Variants in KIAA0232 observed in about 807,000 individuals in gnomAD.
KIAA0232 encodes KIAA0232, also known as uncharacterized protein KIAA0232.
Under a neutral mutation model 122.0 loss-of-function variants are expected in KIAA0232, and 27 were observed. The observed-to-expected ratio is 0.22, with a 90% CI of 0.16 to 0.31. The LOEUF (loss-of-function observed/expected upper bound fraction) is 0.31. Among genes scored for constraint, KIAA0232 ranks in the 10% least tolerant of loss-of-function variants. The probability of loss-of-function intolerance (pLI) is 1.00; values close to 1 mark genes in which losing one functional copy is unlikely to be tolerated. For synonymous variants in KIAA0232, 613 were observed against 587.6 expected, an observed-to-expected ratio of 1.04 and a Z score of -0.63; for missense variants, 1,551 against 1,634.2, an observed-to-expected ratio of 0.95 and a Z score of 0.88.
At chr4:6,807,226 G>A (rs1199742956) in intron 2 of KIAA0232, among the ~76,000 whole-genome samples, 3 of 151,840 alleles carry the variant, frequency 2.0e-5, no homozygotes, top group African/African-American at 7.2e-5. Context: ...TAAACATAAA[G>A]ATCAACCAGA....
chr4:6,808,604 G>A (rs906395622), intron 2 of KIAA0232, among the ~76,000 whole-genome samples: 7 of 151,484 alleles, frequency 4.6e-5, no homozygotes, highest in African/African-American at 1.5e-4. Context: ...TGATTGTCTC[G>A]ATATCACTGA....
intron 3 of KIAA0232, among the ~76,000 whole-genome samples, chr4:6,826,043 G>A (rs938567820): frequency 4.6e-5 from 7 of 152,060 alleles, no homozygotes; most frequent in African/African-American, 1.2e-4. Context: ...TTGAACTCCT[G>A]GGCTCAAGCA....
intron 2 of KIAA0232, among the ~76,000 whole-genome samples, chr4:6,813,605 G>A (rs1436794165): frequency 3.9e-5 from 6 of 151,930 alleles, no homozygotes; most frequent in South Asian, 2.1e-4. Flanking sequence ...CTTGTGATCC[G>A]CCCGCCTCGG....
intron 2 of KIAA0232, among the ~76,000 whole-genome samples, chr4:6,805,781 G>A (rs1056811386): frequency 3.9e-5 from 6 of 152,148 alleles, no homozygotes; most frequent in African/African-American, 1.4e-4. Flanking sequence ...TTCAAAAAGT[G>A]TAAAAATTAC....
rs1720837289 is a variant in KIAA0232, at chr4:6,861,227, A to G, written c.845A>G (p.Lys282Arg). 1.2e-6 allele frequency: 2 copies of G among 1,614,046 alleles called. No individual in the cohort carries two copies. The highest frequency in any genetic ancestry group is 3.3e-5 in the Admixed American group (2 of 60,010). The change falls in exon 7 of 10, where the codon AAG (lysine) becomes AGG (arginine). Residue 282 changes from lysine (K) to arginine (R), a missense_variant. By Grantham distance (26) the Lys-to-Arg change is conservative (BLOSUM62 2). Transcript: ENST00000307659. Reference sequence around the variant, plus strand: ...CAAATCCGACATAAACCTGAAGGAAAGATTCGCCCTCGCTCGTGGTCTTCT... The same window carrying G: ...CAAATCCGACATAAACCTGAAGGAAGGATTCGCCCTCGCTCGTGGTCTTCT... ...KKQIRHKPEG[K>R]IRPRSWSSGS...
intron 2 of KIAA0232, among the ~76,000 whole-genome samples, chr4:6,808,569 C>T (rs1717740937): frequency 6.6e-6 from 1 of 150,802 alleles, no homozygotes. Flanking sequence ...TGGTAAATAC[C>T]TAAAGGAAAA....
intron 3 of KIAA0232, among the ~76,000 whole-genome samples, chr4:6,838,853 G>A (rs529532695): frequency 6.6e-6 from 1 of 151,972 alleles, no homozygotes; most frequent in African/African-American, 2.4e-5. Flanking sequence ...AGCTGGCCAG[G>A]TGAGGTGGCT....
At chr4:6,831,475 T>C (rs192931190) in intron 3 of KIAA0232, among the ~76,000 whole-genome samples, 93 of 152,362 alleles carry the variant, frequency 6.1e-4, no homozygotes, top group South Asian at 5.6e-3. Context: ...GATTTCTTTT[T>C]TTAGATCTTA....
chr4:6,824,901 C>G (rs983898389), intron 3 of KIAA0232, among the ~76,000 whole-genome samples: 7 of 152,294 alleles, frequency 4.6e-5, no homozygotes, highest in Admixed American at 6.5e-5. Flanking sequence ...CATAGTTAGA[C>G]TTTCTCACTG....
chr4:6,836,726 TGA>T (rs1429775054), intron 3 of KIAA0232, among the ~76,000 whole-genome samples: 1 of 152,046 alleles, frequency 6.6e-6, no homozygotes, highest in African/African-American at 2.4e-5. Context: ...CCTGAGTACG[TGA>T]GATTAGGGAG....
rs771504710 is a variant in KIAA0232, at chr4:6,861,521, G to T, written c.1139G>T (p.Ser380Ile). The stretch of plus-strand genomic sequence containing the variant: ...GAAATAGGGAGAAAAGATCCTGGGA[G>T]CACTGAAGGAAAAGACCTGTACATG... Reference protein sequence around the residue: ...LKEIGRKDPGSTEGKDLYMEN... With the variant: ...LKEIGRKDPGITEGKDLYMEN... Residue 380 changes from serine to isoleucine, a missense_variant, in exon 7 of 10, where the codon AGC becomes ATC. Around this residue, in one of 5 missense-constraint regions of KIAA0232, gnomAD observed 377 missense variants for 381.7 expected, o/e 0.99. Transcript: ENST00000307659. 1 of 1,614,092 alleles carries T rather than the reference G, an allele frequency of 6.2e-7. No homozygotes were observed. The highest frequency in any genetic ancestry group is 8.5e-7 in the Non-Finnish European group (1 of 1,180,012).
chr4:6,792,577 T>G (rs926672965), intron 1 of KIAA0232, among the ~76,000 whole-genome samples: 1 of 152,152 alleles, frequency 6.6e-6, no homozygotes, highest in Non-Finnish European at 1.5e-5. Flanking sequence ...ATTAAGCTCA[T>G]AAAGTTTATA....
chr4:6,872,771 T>C (rs985678265), intron 8 of KIAA0232, among the ~76,000 whole-genome samples: 1 of 152,264 alleles, frequency 6.6e-6, no homozygotes, highest in Non-Finnish European at 1.5e-5. Flanking sequence ...GCCAAGTGAC[T>C]TCTCTCTCAC....
At chr4:6,848,253 A>G (rs1291268682) in intron 4 of KIAA0232, among the ~76,000 whole-genome samples, 1 of 152,206 alleles carries the variant, frequency 6.6e-6, no homozygotes, top group Non-Finnish European at 1.5e-5. Flanking sequence ...TATATGCATT[A>G]TTTATATGCT....
chr4:6,848,837 C>G (rs1004328417), intron 4 of KIAA0232, among the ~76,000 whole-genome samples: 1 of 152,172 alleles, frequency 6.6e-6, no homozygotes, highest in Non-Finnish European at 1.5e-5. Flanking sequence ...TCTCTACAGA[C>G]CAGAACCCCC....
intron 1 of KIAA0232, among the ~76,000 whole-genome samples, chr4:6,802,380 A>G (rs866253095): frequency 3.9e-5 from 6 of 152,312 alleles, no homozygotes; most frequent in Middle Eastern, 3.4e-3. Context: ...CTGGGGCTGC[A>G]TGGCCTTCAG....
At chr4:6,819,607 C>T (rs759586671) in intron 2 of KIAA0232, among the ~76,000 whole-genome samples, 3 of 152,148 alleles carry the variant, frequency 2.0e-5, no homozygotes, top group Non-Finnish European at 4.4e-5. Flanking sequence ...AAAACAGATG[C>T]TAATGAGGCT....
intron 3 of KIAA0232, among the ~76,000 whole-genome samples, chr4:6,838,014 C>G (rs1263432706): frequency 1.3e-5 from 2 of 152,006 alleles, no homozygotes; most frequent in African/African-American, 4.8e-5. Context: ...GATATTAGCC[C>G]TTTGTCAGAT....
intron 5 of KIAA0232, 56 bp downstream of exon 5, chr4:6,857,286 G>A: frequency 3.5e-6 from 5 of 1,447,080 alleles, no homozygotes; most frequent in Non-Finnish European, 4.8e-6. Context: ...TGAGGAATCT[G>A]GATTGGGGAA....
Sources: gnomAD v4.1 joint callset for allele counts (sites outside exome capture counted in the v4.1 genomes callset) on GRCh38, gnomAD v4.1.1 for gene constraint, gnomAD v4.1.1 regional missense constraint, MANE v1.5 for transcripts, NCBI Gene and HGNC (gene_info 2026-07-23, HGNC 2026-07-21) for gene names.